Variants in SULT1B1 observed in about 807,000 individuals in gnomAD.
The protein encoded by SULT1B1 is sulfotransferase 1B1.
In SULT1B1, 28 loss-of-function variants were observed where a neutral mutation model predicts 34.6. The observed-to-expected ratio is 0.81, with a 90% confidence interval of 0.60 to 1.11. The LOEUF (loss-of-function observed/expected upper bound fraction) is 1.11. SULT1B1 is among the 50% of genes least tolerant of loss of function. SULT1B1 has a pLI of 0.00. For missense variants in SULT1B1, 374 were observed against 352.2 expected, an observed-to-expected ratio of 1.06 and a Z score of -0.50; for synonymous variants, 147 against 110.2, an observed-to-expected ratio of 1.33 and a Z score of -2.09.
intron 5 of SULT1B1, among the ~76,000 whole-genome samples, 159 bp from the exon 6 acceptor site, chr4:69,733,666 T>C (rs1445762055): frequency 6.6e-6 from 1 of 152,150 alleles, no homozygotes; most frequent in Non-Finnish European, 1.5e-5. Flanking sequence ...TTTATGGATA[T>C]ATAAACATCA....
At chr4:69,745,793 A>T (rs1243912235) in intron 4 of SULT1B1, among the ~76,000 whole-genome samples, 1 of 152,118 alleles carries the variant, frequency 6.6e-6, no homozygotes, top group East Asian at 1.9e-4. Context: ...TATGTAATTG[A>T]TTTATAGTGT....
rs1333624067 is a variant in SULT1B1 at position 69,721,707 on chromosome 4, A to T, written c.*5381T>A. On this transcript the variant is annotated 3_prime_UTR_variant, in exon 8 of 8. Transcript: ENST00000310613. ...GGGAATACATGACACTTCCCTTTGA[A>T]TGTATGAATCTGAGTGTCTATCCAT... 6.6e-6 allele frequency: 1 copy of T among 152,142 alleles called. No individual in the cohort carries two copies. 9.4% of individuals were successfully genotyped at this position (152,142 alleles called of 1,614,324 possible). A position where few individuals can be genotyped will look rare whatever the true frequency, so the allele number is the denominator to read the frequency against.
intron 7 of SULT1B1, among the ~76,000 whole-genome samples, chr4:69,728,525 T>C (rs1717928193): frequency 6.6e-6 from 1 of 152,010 alleles, no homozygotes; most frequent in Non-Finnish European, 1.5e-5. Context: ...ATATGTATCA[T>C]TTACCTTTGA....
intron 1 of SULT1B1, among the ~76,000 whole-genome samples, chr4:69,757,884 G>T (rs1162772569): frequency 6.6e-6 from 1 of 152,116 alleles, no homozygotes; most frequent in East Asian, 1.9e-4. Flanking sequence ...TGAAATAGAG[G>T]ATATTAATGG....
intron 4 of SULT1B1, among the ~76,000 whole-genome samples, chr4:69,746,507 C>A (rs1718750846): frequency 6.6e-6 from 1 of 152,024 alleles, no homozygotes; most frequent in African/African-American, 2.4e-5. Flanking sequence ...TTAATGTTTC[C>A]CATTGTATTA....
chr4:69,757,841 T>C (rs1719250126), intron 1 of SULT1B1, among the ~76,000 whole-genome samples: 1 of 152,196 alleles, frequency 6.6e-6, no homozygotes, highest in Admixed American at 6.5e-5. Flanking sequence ...TCATACTGTT[T>C]ATTGAGTAAT....
Position 69,721,440 on chromosome 4 carries a change from T to C in SULT1B1, c.*5648A>G, listed in dbSNP as rs1463186429. 2 of 152,086 alleles carry C rather than the reference T, an allele frequency of 1.3e-5. No homozygotes were observed. The highest frequency in any genetic ancestry group is 2.1e-4 in the South Asian group (1 of 4,834). The allele number at this position is 152,086 out of a possible 1,614,324, so 9.4% of individuals were successfully genotyped here. A position where few individuals can be genotyped will look rare whatever the true frequency, so the allele number is the denominator to read the frequency against. ...AAAATAATTGTTTTCCCATATATCA[T>C]TAATATCAAGCATTTTGAAGAAATT... On this transcript the variant is annotated 3_prime_UTR_variant, in exon 8 of 8. Transcript: ENST00000310613.
chr4:69,738,915 G>A (rs779282337), intron 4 of SULT1B1, among the ~76,000 whole-genome samples: 1 of 152,130 alleles, frequency 6.6e-6, no homozygotes, highest in Non-Finnish European at 1.5e-5. Flanking sequence ...AGGGGCTAGA[G>A]GCTCCATTCA....
chr4:69,758,210 G>C (rs1719262403), intron 1 of SULT1B1: 12 of 747,924 alleles, frequency 1.6e-5, no homozygotes, highest in Non-Finnish European at 1.8e-5. Flanking sequence ...TGAAAGAAAA[G>C]AAAGTAAGTC....
At chr4:69,734,077 A>G (rs1718193683) in intron 5 of SULT1B1, 61 bp downstream of exon 5, 5 of 1,288,866 alleles carry the variant, frequency 3.9e-6, no homozygotes, top group Non-Finnish European at 5.2e-6. Context: ...CATAAAAGTT[A>G]TTGTTAATAG....
rs1011282794 is a variant in SULT1B1 at position 69,724,318 on chromosome 4, T to C, written c.*2770A>G. The stretch of plus-strand genomic sequence containing the variant: ...ACCTAGGAATCCAACTTACAAGGGA[T>C]GTGAAGGATCACTTCAAGGAGAACT... On this transcript the variant is annotated 3_prime_UTR_variant, in exon 8 of 8. Coordinates refer to ENST00000310613, the MANE Select transcript of SULT1B1 (RefSeq NM_014465.4). The C allele has an allele frequency of 1.3e-5, 2 of 152,226 alleles. No individual in the cohort carries two copies. Among genetic ancestry groups the C allele is most frequent in the Admixed American group, 1.3e-4 (2 of 15,276 alleles). The allele number at this position is 152,226 out of a possible 1,614,324, so 9.4% of individuals were successfully genotyped here.
intron 4 of SULT1B1, among the ~76,000 whole-genome samples, chr4:69,748,119 T>A (rs1027230470): frequency 1.3e-5 from 2 of 152,132 alleles, no homozygotes; most frequent in African/African-American, 2.4e-5. Flanking sequence ...AGAACTTAGC[T>A]GTATGCTGTT....
rs1560529349 is a variant in SULT1B1 at position 69,749,703 on chromosome 4, A to G, written c.375+18T>C. 6.3e-7 allele frequency: 1 copy of G among 1,580,154 alleles called. No individual in the cohort carries two copies. Among genetic ancestry groups the G allele is most frequent in the Non-Finnish European group, 8.7e-7 (1 of 1,149,420 alleles). Reference sequence around the variant, plus strand: ...GATAGGGCCATACTAAAAAACTGACATGGAGTCTGGAGTATACCTTGCAAT... The same window carrying G: ...GATAGGGCCATACTAAAAAACTGACGTGGAGTCTGGAGTATACCTTGCAAT... On this transcript the variant is annotated intron_variant, in intron 4 of 7. Transcript: ENST00000310613.
chr4:69,725,743 C>G lies in SULT1B1; in HGVS notation c.*1345G>C, dbSNP rs1249821170. ...GTAGGGACATGGATAAAGCTGGAAA[C>G]CATACTTTTCAGCAAACTATTGCAA... On this transcript the variant is annotated 3_prime_UTR_variant, in exon 8 of 8. Coordinates refer to ENST00000310613, the MANE Select transcript of SULT1B1 (RefSeq NM_014465.4). The G allele has an allele frequency of 5.3e-5, 8 of 151,606 alleles. No homozygotes were observed. The highest frequency in any genetic ancestry group is 1.9e-4 in the African/African-American group (8 of 41,260). The allele number at this position is 151,606 out of a possible 1,614,324, so 9.4% of individuals were successfully genotyped here.
At chr4:69,758,249 G>A (rs967070516) in intron 1 of SULT1B1, 50 of 943,180 alleles carry the variant, frequency 5.3e-5, no homozygotes, top group Middle Eastern at 5.4e-4. Flanking sequence ...GATGAAGTTG[G>A]TATTGAATAA....
intron 4 of SULT1B1, among the ~76,000 whole-genome samples, chr4:69,736,342 A>T (rs1718309047): frequency 6.6e-6 from 1 of 152,222 alleles, no homozygotes; most frequent in South Asian, 2.1e-4. Flanking sequence ...CTTGGAGGGT[A>T]CAAGACACAC....
intron 4 of SULT1B1, among the ~76,000 whole-genome samples, chr4:69,748,881 A>G (rs1718858136): frequency 6.6e-6 from 1 of 152,146 alleles, no homozygotes; most frequent in Non-Finnish European, 1.5e-5. Context: ...CATATTTACA[A>G]CACTAAAGGC....
intron 4 of SULT1B1, among the ~76,000 whole-genome samples, chr4:69,741,861 C>A (rs1205826534): frequency 2.6e-5 from 4 of 152,148 alleles, no homozygotes; most frequent in South Asian, 4.1e-4. Context: ...TTTCTATTTG[C>A]ATGCCTTTTA....
chr4:69,730,404 G>A lies in SULT1B1; in HGVS notation c.778+97C>T, dbSNP rs1023389558. On this transcript the variant is annotated intron_variant, in intron 7 of 7. Transcript: ENST00000310613. ...AGGTATTTGCTATAAAGCTTAAACA[G>A]GCTAAGAAACTTAGTAGAGATCACA... 1.4e-5 allele frequency: 16 copies of A among 1,144,676 alleles called. 1 individual carries two copies. The African/African-American group carries it at 1.7e-4, about 12-fold the overall frequency. The allele number at this position is 1,144,676 out of a possible 1,614,324, so 70.9% of individuals were successfully genotyped here. A position where few individuals can be genotyped will look rare whatever the true frequency, so the allele number is the denominator to read the frequency against.
Sources: gnomAD v4.1 joint callset for allele counts (sites outside exome capture counted in the v4.1 genomes callset) on GRCh38, gnomAD v4.1.1 for gene constraint, MANE v1.5 for transcripts, NCBI Gene and HGNC (gene_info 2026-07-23, HGNC 2026-07-21) for gene names.